OXSR1: variants seen among roughly 807,000 people sequenced by gnomAD.
OXSR1 encodes the protein oxidative stress responsive kinase 1.
A neutral mutation model predicts 79.8 loss-of-function variants in OXSR1; 24 were observed. That is an observed-to-expected ratio of 0.30 (90% CI 0.22 to 0.42). The LOEUF is 0.42. OXSR1 is among the 10% of genes least tolerant of loss of function. OXSR1 has a pLI of 1.00. For synonymous variants in OXSR1, 226 were observed against 209.2 expected (o/e 1.08, Z -0.69); for missense variants, 430 against 618.4 (o/e 0.70, Z 3.23).
chr3:38,190,614 T>G, intron 2 of OXSR1, 117 bp from the exon 3 acceptor site: 5 of 632,442 alleles, frequency 7.9e-6, no homozygotes, highest in Non-Finnish European at 5.6e-6. Context: ...ATCAGAGCCA[T>G]GGAGATCCCA....
At position 38,230,322 on chromosome 3, in the gene OXSR1, C is replaced by CT. The variant is rs762123380; in HGVS notation, c.886-41dup. 3.8e-6 allele frequency: 5 copies of CT among 1,305,874 alleles called. No homozygotes were observed. In the East Asian group the frequency reaches 1.2e-4, roughly 30 times the overall value. 80.9% of individuals were successfully genotyped at this position (1,305,874 alleles called of 1,614,324 possible). A position where few individuals can be genotyped will look rare whatever the true frequency, so the allele number is the denominator to read the frequency against. On this transcript the variant is annotated intron_variant, in intron 9 of 17. Coordinates refer to ENST00000311806, the MANE Select transcript of OXSR1 (RefSeq NM_005109.3). ...CTTTTTTGTGGGTTTTTTTTGGTAC[C>CT]TTAAAAACTTGTAAGAACAAAATAC...
At chr3:38,175,019 C>T (rs1165174042) in intron 1 of OXSR1, among the ~76,000 whole-genome samples, 1 of 152,184 alleles carries the variant, frequency 6.6e-6, no homozygotes, top group Non-Finnish European at 1.5e-5. Context: ...TTCAACATGA[C>T]TCTGACAAGA....
At chr3:38,230,081 G>C (rs192929843) in intron 9 of OXSR1, among the ~76,000 whole-genome samples, 25 of 152,244 alleles carry the variant, frequency 1.6e-4, no homozygotes, top group African/African-American at 5.8e-4. Flanking sequence ...GGATGTTACT[G>C]TAGTTGGAAA....
At chr3:38,181,117 C>T (rs1380327628) in intron 1 of OXSR1, among the ~76,000 whole-genome samples, 8 of 142,456 alleles carry the variant, frequency 5.6e-5, no homozygotes, top group Non-Finnish European at 9.3e-5. Flanking sequence ...AGGCTTTGTT[C>T]TTTTTTTTTT....
chr3:38,247,320 C>T (rs1703162838), intron 13 of OXSR1, among the ~76,000 whole-genome samples: 1 of 152,090 alleles, frequency 6.6e-6, no homozygotes, highest in Admixed American at 6.6e-5. Flanking sequence ...CCATATGGTG[C>T]ACTGGCAGAT....
chr3:38,231,607 A>G (rs1385891105), intron 10 of OXSR1, among the ~76,000 whole-genome samples: 1 of 152,190 alleles, frequency 6.6e-6, no homozygotes, highest in South Asian at 2.1e-4. Context: ...TACCATTAGA[A>G]TAACAGCTTA....
intron 13 of OXSR1, 89 bp downstream of exon 13, chr3:38,246,310 G>A: frequency 8.0e-7 from 1 of 1,245,270 alleles, no homozygotes; most frequent in Non-Finnish European, 1.1e-6. Flanking sequence ...ATGTAATCAG[G>A]TTAATGTCTT....
intron 11 of OXSR1, among the ~76,000 whole-genome samples, chr3:38,241,476 A>T (rs1298215722): frequency 6.6e-6 from 1 of 152,186 alleles, no homozygotes; most frequent in Non-Finnish European, 1.5e-5. Flanking sequence ...TATCATGTTA[A>T]ATTTAATGAG....
At position 38,165,641 on chromosome 3, in the gene OXSR1, C is replaced by T. The variant is rs1027037927; in HGVS notation, c.-236C>T. 4.5e-5 allele frequency: 23 copies of T among 509,592 alleles called. No individual in the cohort carries two copies. In the Admixed American group the frequency reaches 8.3e-4, roughly 18 times the overall value. The allele number at this position is 509,592 out of a possible 1,614,324, so 31.6% of individuals were successfully genotyped here. A position where few individuals can be genotyped will look rare whatever the true frequency, so the allele number is the denominator to read the frequency against. The stretch of plus-strand genomic sequence containing the variant: ...GGCCGAGGACAGGACGTGGGCTGGG[C>T]CGGGCAGTGCCGGACTCGGAGGAGC... On this transcript the variant is annotated 5_prime_UTR_variant, in exon 1 of 18. Coordinates refer to ENST00000311806, the MANE Select transcript of OXSR1 (RefSeq NM_005109.3).
At chr3:38,188,029 C>T (rs1701915199) in intron 2 of OXSR1, among the ~76,000 whole-genome samples, 1 of 152,106 alleles carries the variant, frequency 6.6e-6, no homozygotes, top group Admixed American at 6.6e-5. Context: ...AGTTAAGGTA[C>T]AAGAAGATTC....
intron 8 of OXSR1, among the ~76,000 whole-genome samples, chr3:38,228,301 A>G (rs1488090995): frequency 6.6e-6 from 1 of 152,228 alleles, no homozygotes; most frequent in East Asian, 1.9e-4. Flanking sequence ...GGAATGAATA[A>G]TAAGAAGCAA....
At chr3:38,181,354 G>GTTTTT (rs1201344941) in intron 1 of OXSR1, among the ~76,000 whole-genome samples, 4 of 128,160 alleles carry the variant, frequency 3.1e-5, no homozygotes, top group Admixed American at 8.0e-5. Context: ...TGTTTCAAAA[G>GTTTTT]TTTTTTTTTT....
chr3:38,241,521 A>T (rs1010512433), intron 11 of OXSR1, among the ~76,000 whole-genome samples: 8 of 152,036 alleles, frequency 5.3e-5, no homozygotes, highest in Non-Finnish European at 1.2e-4. Flanking sequence ...AAAATATCTC[A>T]TTCTTAGGAA....
At chr3:38,225,809 C>T (rs140481522) in intron 8 of OXSR1, among the ~76,000 whole-genome samples, 1 of 152,216 alleles carries the variant, frequency 6.6e-6, no homozygotes, top group East Asian at 1.9e-4. Context: ...ATTCTGGTAA[C>T]CTACTGATTT....
rs371056877 is a variant in OXSR1 at position 38,221,603 on chromosome 3, A to C, written c.516A>C (p.Ala172=). The change falls in exon 6 of 18, where the codon GCA becomes GCC. Residue 172 remains alanine, a synonymous_variant. Transcript: ENST00000311806. ...ACTTTGGGGTTAGTGCTTTTTTAGC[A>C]ACTGGTGGTGATATTACCCGAAATA... The part of the protein sequence containing the change: ...IADFGVSAFL[A]TGGDITRNKV... 1 of 1,612,284 alleles carries C rather than the reference A, an allele frequency of 6.2e-7. No homozygotes were observed. The highest frequency in any genetic ancestry group is 8.5e-7 in the Non-Finnish European group (1 of 1,178,620).
At chr3:38,190,198 G>GAT (rs1358831429) in intron 2 of OXSR1, among the ~76,000 whole-genome samples, 1 of 152,156 alleles carries the variant, frequency 6.6e-6, no homozygotes, top group African/African-American at 2.4e-5. Flanking sequence ...CATAAGCTGA[G>GAT]ATAGAGTAAG....
intron 5 of OXSR1, among the ~76,000 whole-genome samples, chr3:38,220,281 A>G (rs1702563361): frequency 1.3e-5 from 2 of 152,216 alleles, no homozygotes; most frequent in South Asian, 2.1e-4. Context: ...CTGGAATTTT[A>G]AAGTTTGCCA....
At chr3:38,243,054 A>C (rs1575372367) in intron 12 of OXSR1, among the ~76,000 whole-genome samples, 1 of 146,144 alleles carries the variant, frequency 6.8e-6, no homozygotes, top group South Asian at 2.2e-4. Context: ...TTATTTTGAG[A>C]CAGGGTCTTA....
intron 2 of OXSR1, among the ~76,000 whole-genome samples, chr3:38,184,954 G>GTTTTTTTTTTTTTTTT: frequency 1.0e-5 from 1 of 96,228 alleles, no homozygotes; most frequent in Non-Finnish European, 2.0e-5. Flanking sequence ...TTTTTTTTGG[G>GTTTTTTTTTTTTTTTT]TTTCTTTGAG....
Sources: allele counts gnomAD v4.1 joint callset (sites outside exome capture counted in the v4.1 genomes callset), GRCh38; gene constraint gnomAD v4.1.1; transcripts MANE v1.5; gene names NCBI Gene and HGNC (gene_info 2026-07-23, HGNC 2026-07-21).